The following N4BP2 variants were observed in gnomAD, a reference collection of about 807,000 sequenced individuals.
The protein encoded by N4BP2 is NEDD4-binding protein 2.
N4BP2 carries 91 observed loss-of-function variants against 152.8 expected under a neutral mutation model. The observed-to-expected ratio is 0.60, with a 90% CI of 0.50 to 0.71. N4BP2 has a LOEUF of 0.71. Ranked by LOEUF, N4BP2 falls within the 30% of genes least tolerant of loss-of-function variation. The probability of loss-of-function intolerance (pLI) is 0.00; values close to 1 mark genes in which losing one functional copy is unlikely to be tolerated. For synonymous variants in N4BP2, 646 were observed against 705.3 expected (o/e 0.92, Z 1.33); for missense variants, 1,923 against 2,059.1 (o/e 0.93, Z 1.28).
At chr4:40,174,452 ATTAC>A in the N4BP2 span, among the ~76,000 whole-genome samples, 1 of 152,142 alleles carries the variant, frequency 6.6e-6, no homozygotes, top group Non-Finnish European at 1.5e-5. Flanking sequence ...TCATTGCAGC[ATTAC>A]TTACAGTAGC....
At chr4:40,162,768 G>C (rs557556469), downstream of N4BP2, among the ~76,000 whole-genome samples, 1 of 152,178 alleles carries the variant, frequency 6.6e-6, no homozygotes, top group Non-Finnish European at 1.5e-5. Context: ...GATTTATCAG[G>C]AGAATTGGCT....
At chr4:40,159,309 A>T (rs912436752), downstream of N4BP2, among the ~76,000 whole-genome samples, 1 of 152,236 alleles carries the variant, frequency 6.6e-6, no homozygotes, top group African/African-American at 2.4e-5. Context: ...CTTCCTTTAT[A>T]CGAAAGCTGG....
the N4BP2 span, among the ~76,000 whole-genome samples, chr4:40,169,869 G>A: frequency 6.6e-6 from 1 of 151,190 alleles, no homozygotes; most frequent in Non-Finnish European, 1.5e-5. Context: ...GGAGGCTGAG[G>A]CAGAGAATTG....
chr4:40,085,166 C>T (rs1713817313), intron 2 of N4BP2, among the ~76,000 whole-genome samples: 1 of 152,088 alleles, frequency 6.6e-6, no homozygotes, highest in Admixed American at 6.6e-5. Flanking sequence ...TTGCCTTGGC[C>T]TCCCAAAGTG....
At chr4:40,104,258 TTC>T (rs1348130411) in intron 4 of N4BP2, among the ~76,000 whole-genome samples, 1 of 151,312 alleles carries the variant, frequency 6.6e-6, no homozygotes, top group Admixed American at 6.6e-5. Context: ...GGCTTGCTAG[TTC>T]TTTTTTTTTT....
chr4:40,158,359 A>C (rs539802483), downstream of N4BP2: 2 of 152,182 alleles, frequency 1.3e-5, no homozygotes, highest in African/African-American at 2.4e-5. Flanking sequence ...AGTGTCATGA[A>C]AATTTTATTT....
intron 8 of N4BP2, 56 bp downstream of exon 8, chr4:40,118,080 T>C: frequency 7.2e-7 from 1 of 1,387,008 alleles, no homozygotes; most frequent in Non-Finnish European, 9.6e-7. Flanking sequence ...TTTTAAAAGG[T>C]ATAATTTTGG....
At chr4:40,071,540 G>A (rs918521067) in intron 1 of N4BP2, among the ~76,000 whole-genome samples, 2 of 152,082 alleles carry the variant, frequency 1.3e-5, no homozygotes, top group Non-Finnish European at 2.9e-5. Flanking sequence ...AATCTATAGG[G>A]TGGTACTTTG....
In N4BP2 at chr4:40,132,058, A is replaced by T. The variant is rs28712195; in HGVS notation, c.4646+139A>T. The T allele has an allele frequency of 7.7e-6, 5 of 647,912 alleles. No individual in the cohort carries two copies. The East Asian group carries it at 1.3e-4, about 17-fold the overall frequency. The allele number at this position is 647,912 out of a possible 1,614,324, so 40.1% of individuals were successfully genotyped here. A position where few individuals can be genotyped will look rare whatever the true frequency, so the allele number is the denominator to read the frequency against. ...CTGTGGGTATTATTCCAAGACCCAC[A>T]GTGGGTGCATGAAACCACGAATATA... On this transcript the variant is annotated intron_variant, in intron 13 of 17. Coordinates refer to ENST00000261435, the MANE Select transcript of N4BP2 (RefSeq NM_018177.6).
intron 1 of N4BP2, among the ~76,000 whole-genome samples, chr4:40,057,538 C>A (rs766519754): frequency 2.0e-5 from 3 of 152,180 alleles, no homozygotes; most frequent in Non-Finnish European, 4.4e-5. Context: ...GCCACTCACA[C>A]GTTCGGATTT....
At chr4:40,152,121 A>G (rs1166421632) in intron 16 of N4BP2, among the ~76,000 whole-genome samples, 1 of 152,238 alleles carries the variant, frequency 6.6e-6, no homozygotes, top group African/African-American at 2.4e-5. Flanking sequence ...AGAACTATCT[A>G]TCAGGAAAAG....
chr4:40,148,045 G>A (rs1720765276), intron 16 of N4BP2, among the ~76,000 whole-genome samples: 1 of 151,800 alleles, frequency 6.6e-6, no homozygotes, highest in Non-Finnish European at 1.5e-5. Context: ...TCCCAGACGG[G>A]GTGGCGGCCG....
At chr4:40,146,031 A>G (rs551053655) in intron 16 of N4BP2, among the ~76,000 whole-genome samples, 108 of 152,146 alleles carry the variant, frequency 7.1e-4, no homozygotes, top group African/African-American at 2.5e-3. Context: ...GCATGGTGGC[A>G]TGCACCTGTA....
At chr4:40,131,037 T>TG (rs1052860817) in intron 12 of N4BP2, among the ~76,000 whole-genome samples, 4 of 149,940 alleles carry the variant, frequency 2.7e-5, no homozygotes, top group African/African-American at 1.0e-4. Context: ...TGTGAAAAAC[T>TG]GAAAAAAAAA....
intron 5 of N4BP2, 118 bp downstream of exon 5, chr4:40,107,142 C>G: frequency 9.9e-7 from 1 of 1,006,966 alleles, no homozygotes. Flanking sequence ...CTGTGTTGCA[C>G]AGGCTAGAGT....
chr4:40,124,495 C>T (rs1337056320), intron 11 of N4BP2, among the ~76,000 whole-genome samples: 1 of 151,898 alleles, frequency 6.6e-6, no homozygotes. Context: ...TACAGGTGCG[C>T]ACCACCACAC....
chr4:40,058,768 TG>T (rs1415617563), intron 1 of N4BP2, among the ~76,000 whole-genome samples: 5 of 152,094 alleles, frequency 3.3e-5, no homozygotes, highest in East Asian at 3.8e-4. Flanking sequence ...ACTAGTTGCA[TG>T]TTTTTTTTTT....
chr4:40,129,494 T>C (rs1339260120), intron 12 of N4BP2, among the ~76,000 whole-genome samples: 2 of 152,240 alleles, frequency 1.3e-5, no homozygotes, highest in Non-Finnish European at 2.9e-5. Context: ...CCCAAAGTGC[T>C]AGGATTATAG....
chr4:40,118,138 G>A, intron 8 of N4BP2, 114 bp downstream of exon 8: 1 of 919,560 alleles, frequency 1.1e-6, no homozygotes, highest in South Asian at 2.3e-5. Context: ...GGTGGACTTG[G>A]CTGGGTGTGG....
Sources: gnomAD v4.1 joint callset for allele counts (sites outside exome capture counted in the v4.1 genomes callset) on GRCh38, gnomAD v4.1.1 for gene constraint, MANE v1.5 for transcripts, NCBI Gene and HGNC (gene_info 2026-07-23, HGNC 2026-07-21) for gene names.